The following TMEM45B variants were observed in gnomAD, a reference collection of about 807,000 sequenced individuals.
TMEM45B encodes the protein transmembrane protein 45B.
Under a neutral mutation model 27.3 loss-of-function variants are expected in TMEM45B, and 29 were observed. The observed-to-expected ratio is 1.06, with a 90% CI of 0.79 to 1.45. The LOEUF (loss-of-function observed/expected upper bound fraction) is 1.45, where lower values mean the gene tolerates loss of function less well. Among genes scored for constraint, TMEM45B ranks in the 40% most tolerant of loss-of-function variants. The pLI, the probability that TMEM45B is intolerant of heterozygous loss-of-function variation, is 0.00. For missense variants in TMEM45B, 348 were observed against 343.9 expected (o/e 1.01, Z -0.09); for synonymous variants, 143 against 134.7 (o/e 1.06, Z -0.43).
intron 1 of TMEM45B, among the ~76,000 whole-genome samples, chr11:129,825,841 G>A (rs1015207927): frequency 6.6e-6 from 1 of 152,168 alleles, no homozygotes; most frequent in Non-Finnish European, 1.5e-5. Flanking sequence ...CTGGCATCTT[G>A]GAAATTTGAC....
intron 1 of TMEM45B, among the ~76,000 whole-genome samples, chr11:129,840,211 C>G (rs1202263587): frequency 6.6e-6 from 1 of 152,192 alleles, no homozygotes. Flanking sequence ...CCATCCCCAT[C>G]AAATCAAAGT....
intron 5 of TMEM45B, among the ~76,000 whole-genome samples, chr11:129,858,265 A>G (rs1947958253): frequency 6.6e-6 from 1 of 152,188 alleles, no homozygotes. Context: ...TTCATCCAGA[A>G]AGAGTTCCAC....
intron 1 of TMEM45B, among the ~76,000 whole-genome samples, chr11:129,842,591 C>CA (rs199962418): frequency 1.1e-4 from 16 of 148,508 alleles, no homozygotes; most frequent in East Asian, 3.9e-4. Flanking sequence ...TATCCACATG[C>CA]AAAAAAAAAT....
At chr11:129,857,177 C>A in intron 4 of TMEM45B, 136 bp from the exon 5 acceptor site, 3 of 1,023,630 alleles carry the variant, frequency 2.9e-6, no homozygotes, top group Non-Finnish European at 4.3e-6. Context: ...TGTGAAAAGG[C>A]CTTTCTATGC....
chr11:129,825,490 G>C (rs996074184), intron 1 of TMEM45B, among the ~76,000 whole-genome samples: 2 of 151,930 alleles, frequency 1.3e-5, no homozygotes, highest in Admixed American at 6.5e-5. Context: ...TGTCTGTTCA[G>C]CAGGTTGTTG....
chr11:129,842,987 C>T (rs2135583370), intron 1 of TMEM45B, among the ~76,000 whole-genome samples: 1 of 152,342 alleles, frequency 6.6e-6, no homozygotes, highest in South Asian at 2.1e-4. Flanking sequence ...AGGCAACAGG[C>T]TGAGTGCAGT....
chr11:129,840,712 G>T (rs1392453361), intron 1 of TMEM45B, among the ~76,000 whole-genome samples: 1 of 151,866 alleles, frequency 6.6e-6, no homozygotes, highest in African/African-American at 2.4e-5. Context: ...GTGAAACCCT[G>T]TCTCTACTAA....
At chr11:129,856,028 C>A (rs1430972785) in intron 4 of TMEM45B, 136 bp downstream of exon 4, 23 of 980,260 alleles carry the variant, frequency 2.3e-5, no homozygotes, top group Non-Finnish European at 3.1e-5. Flanking sequence ...GTTTAGATGA[C>A]CCTTTTCCCC....
chr11:129,851,543 C>CAAAAAA lies in TMEM45B; in HGVS notation c.-8-922_-8-917dup, dbSNP rs71057982. Reference sequence around the variant, plus strand: ...TGGGTGACAGAGTGAAACTCTGCCTCAAAAAAAAAAAAAAAGTCCCCTTCT... The same window carrying CAAAAAA: ...TGGGTGACAGAGTGAAACTCTGCCTCAAAAAAAAAAAAAAAAAAAAAGTCCCCTTCT... On this transcript the variant is annotated intron_variant, in intron 1 of 5. Coordinates refer to ENST00000281441, the MANE Select transcript of TMEM45B (RefSeq NM_138788.5). Among the ~76,000 whole-genome samples the CAAAAAA allele has an allele frequency of 1.6e-3, 90 of 54,956 alleles. 14 individuals are homozygous for CAAAAAA. Among genetic ancestry groups the CAAAAAA allele is most frequent in the Middle Eastern group, 0.01 (1 of 100 alleles). The allele number at this position is 54,956 out of a possible 152,430, so 36.1% of individuals were successfully genotyped here.
chr11:129,818,185 C>A (rs1481375865), intron 1 of TMEM45B, among the ~76,000 whole-genome samples: 1 of 152,186 alleles, frequency 6.6e-6, no homozygotes, highest in Admixed American at 6.5e-5. Flanking sequence ...AGGCTAGAAA[C>A]AAACACAAAT....
At chr11:129,843,160 T>A (rs536681231) in intron 1 of TMEM45B, among the ~76,000 whole-genome samples, 1 of 152,308 alleles carries the variant, frequency 6.6e-6, no homozygotes, top group South Asian at 2.1e-4. Context: ...AGGCTGGTCT[T>A]GAATTCCTCA....
chr11:129,856,231 TGAGA>T lies in TMEM45B; in HGVS notation c.570+344_570+347del, dbSNP rs751409885. Among the ~76,000 whole-genome samples, 7 of 152,270 alleles carry T rather than the reference TGAGA, an allele frequency of 4.6e-5. No individual in the cohort carries two copies. In the South Asian group the frequency reaches 8.3e-4, roughly 18 times the overall value. On this transcript the variant is annotated intron_variant, in intron 4 of 5. Coordinates refer to ENST00000281441, the MANE Select transcript of TMEM45B (RefSeq NM_138788.5). Reference sequence around the variant, plus strand: ...TGAAGTTCTGTTTTGTTGTTTGTTTTGAGAGAGACTCACCCTGTCACCCAGGCTA... The same window carrying T: ...TGAAGTTCTGTTTTGTTGTTTGTTTTGAGACTCACCCTGTCACCCAGGCTA...
intron 5 of TMEM45B, 55 bp from the exon 6 acceptor site, chr11:129,858,519 G>A (rs766029061): frequency 2.3e-6 from 3 of 1,277,902 alleles, no homozygotes; most frequent in Non-Finnish European, 3.3e-6. Context: ...CACATCCTTG[G>A]TAATGGATTA....
chr11:129,858,419 A>G (rs779658196), intron 5 of TMEM45B, among the ~76,000 whole-genome samples, 155 bp from the exon 6 acceptor site: 54 of 152,244 alleles, frequency 3.5e-4, no homozygotes, highest in Admixed American at 2.2e-3. Flanking sequence ...CTACTGATGA[A>G]TATTTCCTAA....
rs1305176687 is a variant in TMEM45B, at chr11:129,859,468, G to A, written c.*783G>A. On this transcript the variant is annotated 3_prime_UTR_variant, in exon 6 of 6. Transcript: ENST00000281441. Reference sequence around the variant, plus strand: ...AGTTTTAATATGGCTGAAAGCAAAGGATAACGAATTCAGAATTAGTAATGT... The same window carrying A: ...AGTTTTAATATGGCTGAAAGCAAAGAATAACGAATTCAGAATTAGTAATGT... 1 of 152,094 alleles carries A rather than the reference G, an allele frequency of 6.6e-6. No homozygotes were observed. Among genetic ancestry groups the A allele is most frequent in the African/African-American group, 2.4e-5 (1 of 41,412 alleles). 9.4% of individuals were successfully genotyped at this position (152,094 alleles called of 1,614,324 possible).
At chr11:129,827,548 A>G (rs149292386) in intron 1 of TMEM45B, among the ~76,000 whole-genome samples, 2,753 of 152,250 alleles carry the variant, frequency 0.018, 63 homozygotes, top group African/African-American at 0.06. Flanking sequence ...TCACACCTAT[A>G]ATCCCAGCAC....
intron 1 of TMEM45B, among the ~76,000 whole-genome samples, chr11:129,832,912 G>A (rs926703894): frequency 7.2e-5 from 11 of 152,078 alleles, no homozygotes; most frequent in South Asian, 4.2e-4. Context: ...GTTATTTTTC[G>A]TATTGATTTA....
chr11:129,833,726 G>A (rs1176741748), intron 1 of TMEM45B, among the ~76,000 whole-genome samples: 1 of 152,184 alleles, frequency 6.6e-6, no homozygotes, highest in Non-Finnish European at 1.5e-5. Flanking sequence ...AGTGAGCCGA[G>A]ATTGTGCCAC....
At chr11:129,838,580 T>C (rs139234219) in intron 1 of TMEM45B, among the ~76,000 whole-genome samples, 413 of 152,330 alleles carry the variant, frequency 2.7e-3, no homozygotes, top group African/African-American at 8.2e-3. Context: ...TCATTCTTTT[T>C]AACGGTTATA....
Sources: gnomAD v4.1 joint callset for allele counts (sites outside exome capture counted in the v4.1 genomes callset) on GRCh38, gnomAD v4.1.1 for gene constraint, MANE v1.5 for transcripts, NCBI Gene and HGNC (gene_info 2026-07-23, HGNC 2026-07-21) for gene names.